SCRIB: variants seen among roughly 807,000 people sequenced by gnomAD.
The protein encoded by SCRIB is protein scribble homolog.
Under a neutral mutation model 170.0 loss-of-function variants are expected in SCRIB, and 72 were observed. The observed-to-expected ratio is 0.42, with a 90% confidence interval of 0.35 to 0.52. The LOEUF is 0.52. SCRIB is among the 20% of genes least tolerant of loss of function. The pLI, the probability that SCRIB is intolerant of heterozygous loss-of-function variation, is 0.02. For missense variants in SCRIB, 2,475 were observed against 2,338.5 expected, an observed-to-expected ratio of 1.06 and a Z score of -1.20; for synonymous variants, 1,298 against 1,044.3, an observed-to-expected ratio of 1.24 and a Z score of -4.68.
In SCRIB at chr8:143,791,704, C is replaced by A. The variant is rs1554632692; in HGVS notation, c.4732G>T (p.Ala1578Ser). 2 of 1,603,984 alleles carry A rather than the reference C, an allele frequency of 1.2e-6. No homozygotes were observed. Among genetic ancestry groups the A allele is most frequent in the East Asian group, 4.5e-5 (2 of 44,460 alleles). ...ACAGGTCTGGAAGAAGGCAGGGCCGCAAAGGCCCTGTAGTCAAACTTCTTT... is the reference window on the plus strand; with the variant it reads ...ACAGGTCTGGAAGAAGGCAGGGCCGAAAAGGCCCTGTAGTCAAACTTCTTT... The part of the protein sequence containing the change: ...SGKKFDYRAF[A>S]ALPSSRPVYD... The change falls in exon 35 of 37, where the codon GCG becomes TCG. Residue 1578 changes from alanine to serine, a missense_variant. Physicochemically the swap from Ala to Ser is moderately conservative, Grantham distance 99 (BLOSUM62 1). Coordinates refer to ENST00000356994, the MANE Select transcript of SCRIB (RefSeq NM_182706.5).
chr8:143,800,875 A>G (rs1034040677), intron 24 of SCRIB, among the ~76,000 whole-genome samples: 1 of 152,202 alleles, frequency 6.6e-6, no homozygotes, highest in Admixed American at 6.5e-5. Flanking sequence ...CCCTTTCTCA[A>G]AATATGTACA....
chr8:143,815,092 G>A, intron 1 of SCRIB, 122 bp downstream of exon 1: 2 of 1,177,020 alleles, frequency 1.7e-6, no homozygotes, highest in Non-Finnish European at 2.3e-6. Context: ...GTGGGGACCT[G>A]GCCAGTGCAA....
At position 143,795,285 on chromosome 8, in the gene SCRIB, C is replaced by T. The variant is rs782291928; in HGVS notation, c.3763G>A (p.Glu1255Lys). The part of the protein sequence containing the change: ...QTLHWGPEAT[E>K]AAGRGLQPLK... The stretch of plus-strand genomic sequence containing the variant: ...GGGGCGACCACACTCACTGCGGCTT[C>T]TGTGGCCTCGGGCCCCCAGTGCAGG... The change falls in exon 26 of 37, where the codon GAA becomes AAA. Residue 1255 changes from glutamate to lysine, a missense_variant. Transcript: ENST00000356994. The T allele has an allele frequency of 3.1e-6, 5 of 1,612,570 alleles. No homozygotes were observed. Among genetic ancestry groups the T allele is most frequent in the Non-Finnish European group, 4.2e-6 (5 of 1,179,928 alleles).
At chr8:143,804,870 G>C in intron 20 of SCRIB, 45 bp from the exon 21 acceptor site, 1 of 1,527,810 alleles carries the variant, frequency 6.5e-7, no homozygotes, top group Non-Finnish European at 8.7e-7. Flanking sequence ...GGCAGAAGGG[G>C]ACAGAGGGCG....
chr8:143,803,532 G>T lies in SCRIB; in HGVS notation c.3454C>A (p.Arg1152Ser). 1.3e-6 allele frequency: 2 copies of T among 1,595,728 alleles called. No individual in the cohort carries two copies. ...ACCTCCAACAGCCGCAAACCCACAC[G>T]CAGCCGACCGTCGCGCCCGGCTGCC... is the stretch of plus-strand genomic sequence containing the variant. ...TGAAGRDGRLRVGLRLLEVNQ... is the reference protein window; with the variant it reads ...TGAAGRDGRLSVGLRLLEVNQ... Residue 1152 changes from arginine (R) to serine (S), a missense_variant, in exon 24 of 37, where the codon CGT becomes AGT. By Grantham distance (110) the Arg-to-Ser change is moderately radical. This residue lies in a region of SCRIB where 1,966 missense variants were observed against 1,742.9 expected (regional missense o/e 1.13). Coordinates refer to ENST00000356994, the MANE Select transcript of SCRIB (RefSeq NM_182706.5).
intron 9 of SCRIB, 68 bp downstream of exon 9, chr8:143,812,198 C>T: frequency 4.9e-6 from 5 of 1,029,392 alleles, no homozygotes; most frequent in Non-Finnish European, 7.7e-6. Context: ...CAGACACAGG[C>T]TGATGCCCTG....
chr8:143,791,669 G>C lies in SCRIB; in HGVS notation c.4767C>G (p.Ile1589Met). The C allele has an allele frequency of 1.2e-6, 2 of 1,605,486 alleles. No individual in the cohort carries two copies. The highest frequency in any genetic ancestry group is 1.3e-5 in the African/African-American group (1 of 74,864). Residue 1589 changes from isoleucine (I) to methionine (M), a missense_variant, in exon 35 of 37, where the codon ATC (isoleucine) becomes ATG (methionine). This residue lies in a region of SCRIB where 1,966 missense variants were observed against 1,742.9 expected (regional missense o/e 1.13). Transcript: ENST00000356994. Reference sequence around the variant, plus strand: ...CAGAGGCCTGGAGGCCAGGTACCTGGATGTCATAGACAGGTCTGGAAGAAG... The same window carrying C: ...CAGAGGCCTGGAGGCCAGGTACCTGCATGTCATAGACAGGTCTGGAAGAAG... Reference protein sequence around the residue: ...ALPSSRPVYDIQSPDFAEELR... With the variant: ...ALPSSRPVYDMQSPDFAEELR...
intron 6 of SCRIB, 36 bp downstream of exon 6, chr8:143,813,275 G>A (rs376432011): frequency 2.5e-4 from 401 of 1,611,352 alleles, no homozygotes; most frequent in Middle Eastern, 6.6e-4. Flanking sequence ...TCCGTGGCCC[G>A]CCCTCCGGTC....
Position 143,813,108 on chromosome 8 carries a change from C to G in SCRIB, c.568-4G>C. On this transcript the variant is annotated splice_polypyrimidine_tract_variant and splice_region_variant and intron_variant, in intron 6 of 36. Coordinates refer to ENST00000356994, the MANE Select transcript of SCRIB (RefSeq NM_182706.5). ...GCAGAGCCCCCAGAGTGTCTGGCTG[C>G]AAGAAGGAACAGAGAAAATAGTGAC... The G allele has an allele frequency of 6.4e-7, 1 of 1,572,370 alleles. No homozygotes were observed. Among genetic ancestry groups the G allele is most frequent in the Non-Finnish European group, 8.6e-7 (1 of 1,157,072 alleles).
rs552069350 is a variant in SCRIB, at chr8:143,803,092, C to T, written c.3603+291G>A. On this transcript the variant is annotated intron_variant, in intron 24 of 36. Coordinates refer to ENST00000356994, the MANE Select transcript of SCRIB (RefSeq NM_182706.5). ...CACCAGTGCTCAGCTTCTTTTAGGA[C>T]CAGACCACGTAGTGCGTCCCAAACA... Among the ~76,000 whole-genome samples, 22 of 152,286 alleles carry T rather than the reference C, an allele frequency of 1.4e-4. No individual in the cohort carries two copies. The South Asian group carries it at 4.6e-3, about 32-fold the overall frequency.
chr8:143,809,279 G>A (rs1021954634), intron 14 of SCRIB, among the ~76,000 whole-genome samples: 2 of 152,120 alleles, frequency 1.3e-5, no homozygotes, highest in African/African-American at 4.8e-5. Context: ...GGGAGCCCAC[G>A]GGGGTCAGAA....
intron 27 of SCRIB, 126 bp from the exon 28 acceptor site, chr8:143,794,088 GC>G: frequency 1.2e-6 from 1 of 827,172 alleles, no homozygotes. Context: ...CCTGACTATA[GC>G]CCAGGGGATG....
At chr8:143,809,841 C>A (rs1459105428) in intron 13 of SCRIB, 123 bp from the exon 14 acceptor site, 2 of 1,115,406 alleles carry the variant, frequency 1.8e-6, no homozygotes, top group Non-Finnish European at 2.5e-6. Flanking sequence ...GCACCGTTAA[C>A]GGGCTCACGC....
chr8:143,795,806 A>G (rs1414623188), intron 24 of SCRIB, among the ~76,000 whole-genome samples: 6 of 152,334 alleles, frequency 3.9e-5, no homozygotes, highest in African/African-American at 1.4e-4. Context: ...AAGTAGCATG[A>G]TGCCTGCCAC....
rs373144616 is a variant in SCRIB, at chr8:143,808,741, C to T, written c.1983G>A (p.Glu661=). ...GAGGACTACCCTCTTCCTCCTCCTC[C>T]TCCTCCTTCTGGGCCCGAGGAGCCC... ...APWAPRAQKE[E]EEEEEGSPQE... The change falls in exon 15 of 37, where the codon GAG becomes GAA. Residue 661 remains glutamate (E), a synonymous_variant. Transcript: ENST00000356994. The T allele has an allele frequency of 7.5e-6, 12 of 1,603,770 alleles. No homozygotes were observed. Among genetic ancestry groups the T allele is most frequent in the East Asian group, 2.2e-5 (1 of 44,816 alleles).
rs931763253 is a variant in SCRIB at position 143,808,710 on chromosome 8, C to T, written c.2014G>A (p.Glu672Lys). 7 of 1,572,568 alleles carry T rather than the reference C, an allele frequency of 4.5e-6. No homozygotes were observed. Among genetic ancestry groups the T allele is most frequent in the African/African-American group, 4.1e-5 (3 of 73,656 alleles). The change falls in exon 15 of 37, where the codon GAG (glutamate) becomes AAG (lysine). Residue 672 changes from glutamate to lysine, a missense_variant. Transcript: ENST00000356994. ...EEEEEGSPQE[E>K]EEEEEEENRA... is the part of the protein sequence containing the mutation. ...TTTTCCTCCTCCTCCTCTTCCTCCT[C>T]CTCCTGAGGACTACCCTCTTCCTCC... is the stretch of plus-strand genomic sequence containing the variant.
chr8:143,805,179 C>A lies in SCRIB; in HGVS notation c.2603G>T (p.Ser868Ile). The stretch of plus-strand genomic sequence containing the variant: ...AATGCTGAAGCCCAGCCCCCTCTCG[C>A]TGCGTGCCAGGCAGGCCACGTGGCG... ...RQRHVACLAR[S>I]ERGLGFSIAG... Residue 868 changes from serine to isoleucine, a missense_variant, in exon 19 of 37, where the codon AGC becomes ATC. Coordinates refer to ENST00000356994, the MANE Select transcript of SCRIB (RefSeq NM_182706.5). The A allele has an allele frequency of 6.3e-7, 1 of 1,574,980 alleles. No individual in the cohort carries two copies.
At chr8:143,795,634 A>G (rs1252987975) in intron 24 of SCRIB, 104 bp from the exon 25 acceptor site, 5 of 993,252 alleles carry the variant, frequency 5.0e-6, no homozygotes, top group Non-Finnish European at 7.7e-6. Flanking sequence ...CGGTGAGCCC[A>G]GGAGCCGCGT....
chr8:143,793,379 G>A (rs973431051), intron 28 of SCRIB: 12 of 344,396 alleles, frequency 3.5e-5, no homozygotes, highest in Middle Eastern at 7.6e-4. Context: ...GCAGAGGAGA[G>A]CAGGATCAGG....
Sources: allele counts gnomAD v4.1 joint callset (sites outside exome capture counted in the v4.1 genomes callset), GRCh38; gene constraint gnomAD v4.1.1; regional missense constraint gnomAD v4.1.1; transcripts MANE v1.5; gene names NCBI Gene and HGNC (gene_info 2026-07-23, HGNC 2026-07-21).